Variants in TMEM181 observed in about 807,000 individuals in gnomAD.
TMEM181 encodes transmembrane protein 181, also known as G protein-coupled receptor 178.
A neutral mutation model predicts 71.9 loss-of-function variants in TMEM181; 39 were observed. The observed-to-expected ratio is 0.54, with a 90% CI of 0.42 to 0.71. The LOEUF (loss-of-function observed/expected upper bound fraction) is 0.71, where lower values mean the gene tolerates loss of function less well. TMEM181 is among the 30% of genes least tolerant of loss of function. TMEM181 has a pLI of 0.00. For missense variants in TMEM181, 595 were observed against 583.0 expected (o/e 1.02, Z -0.21); for synonymous variants, 245 against 228.8 (o/e 1.07, Z -0.64).
intron 13 of TMEM181, 121 bp from the exon 14 acceptor site, chr6:158,628,287 C>A (rs138460475): frequency 1.2e-6 from 1 of 866,230 alleles, no homozygotes; most frequent in Non-Finnish European, 1.9e-6. Flanking sequence ...TGTGGAAGTT[C>A]CCATGCAGAA....
At chr6:158,558,359 TAGAATC>T (rs372750447), upstream of TMEM181, among the ~76,000 whole-genome samples, 20 of 152,370 alleles carry the variant, frequency 1.3e-4, no homozygotes, top group African/African-American at 4.6e-4. Flanking sequence ...TCCAACATTT[TAGAATC>T]AGAAGTGTCG....
upstream of TMEM181, among the ~76,000 whole-genome samples, chr6:158,559,611 A>C (rs1782037418): frequency 6.6e-6 from 1 of 152,232 alleles, no homozygotes. Context: ...TTGCGGGAGA[A>C]GCTACCAGAA....
At chr6:158,596,089 T>C (rs1463470978) in intron 6 of TMEM181, among the ~76,000 whole-genome samples, 1 of 151,962 alleles carries the variant, frequency 6.6e-6, no homozygotes, top group African/African-American at 2.4e-5. Context: ...GCCTGGCTAA[T>C]TTTTTGTATT....
chr6:158,614,822 C>G (rs1258507374), intron 10 of TMEM181, among the ~76,000 whole-genome samples: 1 of 152,128 alleles, frequency 6.6e-6, no homozygotes, highest in Non-Finnish European at 1.5e-5. Flanking sequence ...TGAACTCATC[C>G]TTTTTTATGG....
At chr6:158,619,043 C>CT (rs1785792034) in intron 10 of TMEM181, among the ~76,000 whole-genome samples, 1 of 152,194 alleles carries the variant, frequency 6.6e-6, no homozygotes, top group Non-Finnish European at 1.5e-5. Flanking sequence ...GCCTGCCTTG[C>CT]TAGGTTGGGG....
chr6:158,589,101 A>G lies in TMEM181; in HGVS notation c.382-571A>G, dbSNP rs530380259. ...AAGGAAGGGCTCTTGTCAACAGTGGAGCACACGTATCCTCACATCTGCACT... is the reference window on the plus strand; with the variant it reads ...AAGGAAGGGCTCTTGTCAACAGTGGGGCACACGTATCCTCACATCTGCACT... On this transcript the variant is annotated intron_variant, in intron 5 of 16. Coordinates refer to ENST00000684151, the MANE Select transcript of TMEM181 (RefSeq NM_001376852.1). Among the ~76,000 whole-genome samples the G allele has an allele frequency of 3.9e-5, 6 of 152,336 alleles. No homozygotes were observed. The South Asian group carries it at 1.2e-3, about 32-fold the overall frequency.
chr6:158,544,182 A>AGAGAGAGAGTGTGTGTGT lies in TMEM181; in HGVS notation c.131+7318_131+7319insAGAGAGAGTGTGTGTGTG, dbSNP rs149735409. ...GGTTTCTCAGGTGCAAATTGGAGAG[A>AGAGAGAGAGTGTGTGTGT]GTGTGTGTGTGTGTGTGTGTGTGTG... On this transcript the variant is annotated intron_variant, in intron 1 of 16. Coordinates refer to the TMEM181 transcript ENST00000367090. Among the ~76,000 whole-genome samples, 984 of 127,612 alleles carry AGAGAGAGAGTGTGTGTGT rather than the reference A, an allele frequency of 7.7e-3. 12 individuals are homozygous for AGAGAGAGAGTGTGTGTGT. Among genetic ancestry groups the AGAGAGAGAGTGTGTGTGT allele is most frequent in the South Asian group, 7.5e-3 (28 of 3,758 alleles). The allele number at this position is 127,612 out of a possible 152,430, so 83.7% of individuals were successfully genotyped here. A position where few individuals can be genotyped will look rare whatever the true frequency, so the allele number is the denominator to read the frequency against.
intron 1 of TMEM181, among the ~76,000 whole-genome samples, chr6:158,553,828 G>A (rs368557044): frequency 6.6e-6 from 1 of 152,300 alleles, no homozygotes; most frequent in African/African-American, 2.4e-5. Flanking sequence ...GTCATTAGTA[G>A]GTTCTTGGAA....
At chr6:158,606,219 AGGG>A (rs1297213879) in intron 7 of TMEM181, among the ~76,000 whole-genome samples, 23 of 53,294 alleles carry the variant, frequency 4.3e-4, no homozygotes, top group South Asian at 9.9e-4. Flanking sequence ...CTAGAGCCAC[AGGG>A]AGCTGGAGGG....
At chr6:158,539,574 G>A (rs1430618234) in intron 1 of TMEM181, among the ~76,000 whole-genome samples, 3 of 152,176 alleles carry the variant, frequency 2.0e-5, no homozygotes, top group Non-Finnish European at 4.4e-5. Flanking sequence ...TCATAACAGG[G>A]CGAAGCAAAG....
At chr6:158,619,686 T>A (rs1237014644) in intron 10 of TMEM181, among the ~76,000 whole-genome samples, 2 of 151,946 alleles carry the variant, frequency 1.3e-5, no homozygotes, top group Non-Finnish European at 2.9e-5. Context: ...CTGGCCAACA[T>A]GGTGAAATGC....
At chr6:158,566,312 C>T (rs1782491020) in intron 1 of TMEM181, among the ~76,000 whole-genome samples, 1 of 151,564 alleles carries the variant, frequency 6.6e-6, no homozygotes, top group Admixed American at 6.6e-5. Flanking sequence ...ATACCTGCAT[C>T]CTCTCGCAAG....
chr6:158,570,520 C>T (rs1282832872), intron 1 of TMEM181, among the ~76,000 whole-genome samples: 2 of 152,088 alleles, frequency 1.3e-5, no homozygotes, highest in Non-Finnish European at 2.9e-5. Context: ...GGATTACAGG[C>T]ATGAGCCACT....
intron 1 of TMEM181, among the ~76,000 whole-genome samples, chr6:158,548,095 C>T (rs1320593605): frequency 6.6e-6 from 1 of 152,150 alleles, no homozygotes; most frequent in Non-Finnish European, 1.5e-5. Context: ...GGCCAGGTAA[C>T]ATCACCTGGA....
rs1410290525 is a variant in TMEM181, at chr6:158,560,106, G to C, written c.-119G>C. ...GCGCTCTGATGAGTTTTCCGCGGCC[G>C]GCCGCTGCTCAGCCGCTGTCGCTCC... On this transcript the variant is annotated 5_prime_UTR_variant, in exon 1 of 17. Coordinates refer to ENST00000684151, the MANE Select transcript of TMEM181 (RefSeq NM_001376852.1). 6 of 984,998 alleles carry C rather than the reference G, an allele frequency of 6.1e-6. No individual in the cohort carries two copies. Among genetic ancestry groups the C allele is most frequent in the Non-Finnish European group, 7.2e-6 (6 of 829,790 alleles). 61.0% of individuals were successfully genotyped at this position (984,998 alleles called of 1,614,324 possible).
At chr6:158,572,212 G>A (rs1490740570) in intron 1 of TMEM181, among the ~76,000 whole-genome samples, 1 of 152,214 alleles carries the variant, frequency 6.6e-6, no homozygotes, top group Admixed American at 6.5e-5. Context: ...CTCTGCAACT[G>A]CAGTCTCTCA....
rs539329011 is a variant in TMEM181 at position 158,561,503 on chromosome 6, CAGG to C, written c.8+1274_8+1276del. On this transcript the variant is annotated intron_variant, in intron 1 of 16. Transcript: ENST00000684151. ...GTAGCAGAGTGACAGCTGCGTGTTA[CAGG>C]AGTTCTCTCACGCGCTGCCCCTTGG... Among the ~76,000 whole-genome samples the C allele has an allele frequency of 9.9e-5, 15 of 152,278 alleles. No individual in the cohort carries two copies. In the South Asian group the frequency reaches 2.9e-3, roughly 30 times the overall value.
intron 1 of TMEM181, among the ~76,000 whole-genome samples, chr6:158,554,543 A>G (rs1329286356): frequency 1.3e-5 from 2 of 152,304 alleles, no homozygotes; most frequent in South Asian, 2.1e-4. Flanking sequence ...TTTAACATTG[A>G]TGAGGAAAAA....
intron 1 of TMEM181, among the ~76,000 whole-genome samples, chr6:158,550,378 C>T (rs1362028478): frequency 2.6e-5 from 4 of 151,236 alleles, no homozygotes; most frequent in Non-Finnish European, 5.9e-5. Flanking sequence ...CTAGTTTCAG[C>T]CGGGCGCGGT....
Sources: gnomAD v4.1 joint callset for allele counts (sites outside exome capture counted in the v4.1 genomes callset) on GRCh38, gnomAD v4.1.1 for gene constraint, MANE v1.5 for transcripts, NCBI Gene and HGNC (gene_info 2026-07-23, HGNC 2026-07-21) for gene names.